The following SLC4A4 variants were observed in gnomAD, a reference collection of about 807,000 sequenced individuals.
SLC4A4 encodes electrogenic sodium bicarbonate cotransporter 1.
SLC4A4 carries 27 observed loss-of-function variants against 111.5 expected under a neutral mutation model. That is an observed-to-expected ratio of 0.24 (90% CI 0.18 to 0.33). The LOEUF is 0.33. SLC4A4 is among the 10% of genes least tolerant of loss of function. The pLI, the probability that SLC4A4 is intolerant of heterozygous loss-of-function variation, is 1.00. For missense variants in SLC4A4, 909 were observed against 1,315.5 expected, an observed-to-expected ratio of 0.69 and a Z score of 4.78; for synonymous variants, 443 against 463.4, an observed-to-expected ratio of 0.96 and a Z score of 0.57.
At chr4:71,165,639 C>T (rs1438806111) in intron 2 of SLC4A4, among the ~76,000 whole-genome samples, 1 of 152,004 alleles carries the variant, frequency 6.6e-6, no homozygotes, top group Admixed American at 6.5e-5. Flanking sequence ...ACCACCATGG[C>T]ACATGTATAG....
intron 12 of SLC4A4, among the ~76,000 whole-genome samples, chr4:71,459,336 C>T (rs1726591524): frequency 1.3e-5 from 2 of 151,604 alleles, no homozygotes; most frequent in South Asian, 4.2e-4. Flanking sequence ...TCCAAAAATC[C>T]AAAAAAATTA....
intron 3 of SLC4A4, among the ~76,000 whole-genome samples, chr4:71,256,731 A>G (rs1185077822): frequency 6.6e-6 from 1 of 152,206 alleles, no homozygotes; most frequent in Non-Finnish European, 1.5e-5. Context: ...AACATGGCAC[A>G]GTTAATAGTC....
At chr4:71,474,124 A>G (rs1728133657) in intron 14 of SLC4A4, among the ~76,000 whole-genome samples, 2 of 151,684 alleles carry the variant, frequency 1.3e-5, no homozygotes, top group Admixed American at 1.3e-4. Context: ...TGTCAAAAAA[A>G]AAAAAAAAAA....
intron 3 of SLC4A4, among the ~76,000 whole-genome samples, chr4:71,264,451 A>G (rs1722091380): frequency 6.6e-6 from 1 of 152,144 alleles, no homozygotes; most frequent in Non-Finnish European, 1.5e-5. Context: ...GGCTTTGTGT[A>G]GGAATAATTT....
intron 16 of SLC4A4, among the ~76,000 whole-genome samples, chr4:71,514,788 A>G (rs531302561): frequency 6.6e-6 from 1 of 152,160 alleles, no homozygotes; most frequent in Non-Finnish European, 1.5e-5. Flanking sequence ...ATACTTGTTC[A>G]TAATAGTCTC....
intron 2 of SLC4A4, among the ~76,000 whole-genome samples, chr4:71,250,887 G>A (rs757515847): frequency 5.9e-5 from 9 of 152,264 alleles, no homozygotes; most frequent in East Asian, 1.9e-4. Flanking sequence ...AAAGTTAAAT[G>A]GTTATAATGT....
intron 1 of SLC4A4, among the ~76,000 whole-genome samples, chr4:71,085,213 G>A (rs1742122425): frequency 2.0e-5 from 3 of 152,078 alleles, no homozygotes; most frequent in South Asian, 2.1e-4. Flanking sequence ...CTTTTGAAAA[G>A]TGTCTGTTCA....
chr4:71,182,677 C>G (rs542305680), upstream of SLC4A4, among the ~76,000 whole-genome samples: 3 of 152,032 alleles, frequency 2.0e-5, no homozygotes, highest in South Asian at 6.2e-4. Flanking sequence ...CTTTCTGTGT[C>G]TGGGAAGTTG....
At chr4:71,147,990 C>T (rs1409450918) in intron 2 of SLC4A4, among the ~76,000 whole-genome samples, 1 of 152,080 alleles carries the variant, frequency 6.6e-6, no homozygotes, top group Non-Finnish European at 1.5e-5. Flanking sequence ...TCTTCCATGT[C>T]CTTCCTTGCC....
chr4:71,412,644 G>A (rs1051054227), intron 7 of SLC4A4, among the ~76,000 whole-genome samples: 1 of 152,172 alleles, frequency 6.6e-6, no homozygotes, highest in Non-Finnish European at 1.5e-5. Flanking sequence ...TGCTCTCCAG[G>A]AGGTCTCATT....
At chr4:71,211,450 A>G (rs544248959) in intron 1 of SLC4A4, among the ~76,000 whole-genome samples, 56 of 152,226 alleles carry the variant, frequency 3.7e-4, no homozygotes, top group Middle Eastern at 3.2e-3. Flanking sequence ...GGTTGTTTTT[A>G]CCAGGAGGTA....
At chr4:71,540,504 G>A (rs1307902636) in intron 18 of SLC4A4, among the ~76,000 whole-genome samples, 1 of 152,140 alleles carries the variant, frequency 6.6e-6, no homozygotes, top group African/African-American at 2.4e-5. Flanking sequence ...GAAACAAGAA[G>A]TCTTTTAAAC....
intron 2 of SLC4A4, among the ~76,000 whole-genome samples, chr4:71,245,739 T>C (rs1046572135): frequency 6.6e-6 from 1 of 152,070 alleles, no homozygotes; most frequent in South Asian, 2.1e-4. Context: ...CCTAGGCATA[T>C]AGCTAGCATT....
chr4:71,198,163 G>C (rs1206750223), intron 1 of SLC4A4, among the ~76,000 whole-genome samples: 12 of 152,114 alleles, frequency 7.9e-5, no homozygotes, highest in Admixed American at 7.9e-4. Flanking sequence ...GAATATCATT[G>C]TTCTATACAT....
intron 2 of SLC4A4, among the ~76,000 whole-genome samples, chr4:71,153,224 G>A (rs1370541392): frequency 6.6e-6 from 1 of 151,528 alleles, no homozygotes; most frequent in East Asian, 2.0e-4. Flanking sequence ...ATGTAGGCTG[G>A]GAGGCTAGGC....
chr4:71,405,267 A>T (rs4432720), intron 7 of SLC4A4, among the ~76,000 whole-genome samples: 8 of 152,092 alleles, frequency 5.3e-5, no homozygotes, highest in African/African-American at 1.9e-4. Flanking sequence ...TTCTTAAATT[A>T]AAATCCTTCA....
intron 1 of SLC4A4, among the ~76,000 whole-genome samples, chr4:71,228,615 T>C (rs1289076780): frequency 1.3e-5 from 2 of 152,222 alleles, no homozygotes; most frequent in African/African-American, 4.8e-5. Context: ...CAGTTTTGCC[T>C]GATTCTGCAT....
chr4:71,143,736 A>C (rs1421751363), intron 2 of SLC4A4, among the ~76,000 whole-genome samples: 1 of 152,166 alleles, frequency 6.6e-6, no homozygotes, highest in Non-Finnish European at 1.5e-5. Context: ...TGGCTGCATA[A>C]ATGTCTTCTT....
At chr4:71,121,426 C>A (rs966116719) in intron 2 of SLC4A4, among the ~76,000 whole-genome samples, 4 of 152,218 alleles carry the variant, frequency 2.6e-5, no homozygotes, top group African/African-American at 4.8e-5. Context: ...GCAAAGCCAG[C>A]TGGGCTCCTC....
Sources: gnomAD v4.1 joint callset for allele counts (sites outside exome capture counted in the v4.1 genomes callset) on GRCh38, gnomAD v4.1.1 for gene constraint, MANE v1.5 for transcripts, NCBI Gene and HGNC (gene_info 2026-07-23, HGNC 2026-07-21) for gene names.